SCML2: variants seen among roughly 807,000 people sequenced by gnomAD.
The protein encoded by SCML2 is sex comb on midleg-like protein 2.
A neutral mutation model predicts 48.4 loss-of-function variants in SCML2; 6 were observed. The observed-to-expected ratio is 0.12, with a 90% CI of 0.07 to 0.24. The LOEUF is 0.24. SCML2 is among the 10% of genes least tolerant of loss of function. SCML2 has a pLI of 1.00. For missense variants in SCML2, 377 were observed against 528.2 expected, an observed-to-expected ratio of 0.71 and a Z score of 2.81; for synonymous variants, 181 against 189.5, an observed-to-expected ratio of 0.95 and a Z score of 0.37.
intron 7 of SCML2, among the ~76,000 whole-genome samples, chrX:18,271,429 C>T (rs1358067689): frequency 9.1e-6 from 1 of 109,581 alleles, no homozygotes; most frequent in Admixed American, 9.8e-5. Context: ...ACTCCCAAGT[C>T]AAGATGCATG....
chrX:18,347,719 G>A (rs1393243796), intron 1 of SCML2, among the ~76,000 whole-genome samples: 4 of 45,099 alleles, frequency 8.9e-5, no homozygotes, highest in African/African-American at 2.8e-4. Context: ...GCAAGACTCC[G>A]TCTCAAAAAA....
At chrX:18,257,120 T>C (rs1926877165) in intron 10 of SCML2, 90 bp from the exon 11 acceptor site, 1 of 553,946 alleles carries the variant, frequency 1.8e-6, no homozygotes. Flanking sequence ...TTAGGAAAGG[T>C]ATTATAAGTC....
In SCML2 at chrX:18,330,628, T is replaced by C. The variant is rs1602141320; in HGVS notation, c.50A>G (p.Gln17Arg). 8.5e-7 allele frequency: 1 copy of C among 1,171,051 alleles called. No homozygotes were observed. Among genetic ancestry groups the C allele is most frequent in the Non-Finnish European group, 1.2e-6 (1 of 869,368 alleles). ...TGTACTTGACTGAGGAGTTTTCTCT[T>C]GATTCTCCTTCTTGACATCCATGGA... ...EDSMDVKKEN[Q>R]EKTPQSSTSS... is the part of the protein sequence containing the mutation. Residue 17 changes from glutamine to arginine, a missense_variant, in exon 3 of 15, where the codon CAA (glutamine) becomes CGA (arginine). Gln to Arg is a conservative substitution (Grantham distance 43). Around this residue, in one of 3 missense-constraint regions of SCML2, gnomAD observed 61 missense variants for 59.9 expected, o/e 1.02. Coordinates refer to ENST00000251900, the MANE Select transcript of SCML2 (RefSeq NM_006089.3).
intron 7 of SCML2, among the ~76,000 whole-genome samples, chrX:18,270,596 C>T (rs777403558): frequency 5.5e-5 from 6 of 109,978 alleles, no homozygotes; most frequent in Admixed American, 2.0e-4. Flanking sequence ...CTTTTTAAGC[C>T]GATTCAACTA....
rs774181976 is a variant in SCML2 at position 18,247,117 on chromosome X, C to T, written c.1571-289G>A. Among the ~76,000 whole-genome samples the T allele has an allele frequency of 3.6e-5, 4 of 110,954 alleles. No individual in the cohort carries two copies. The South Asian group carries it at 1.6e-3, about 43-fold the overall frequency. ...AAGCAATTCTCCTACCTCAGCCTCC[C>T]GAGTAGCTGGGAGTACAGGCGCCTG... On this transcript the variant is annotated intron_variant, in intron 12 of 14. Coordinates refer to ENST00000251900, the MANE Select transcript of SCML2 (RefSeq NM_006089.3).
At chrX:18,264,883 TA>T (rs1398319152) in intron 8 of SCML2, among the ~76,000 whole-genome samples, 2 of 111,655 alleles carry the variant, frequency 1.8e-5, no homozygotes, top group Non-Finnish European at 3.8e-5. Context: ...AATTTGCAGA[TA>T]ACCTCTCTGG....
At chrX:18,257,922 GA>G (rs1926909223) in intron 10 of SCML2, 121 bp downstream of exon 10, 1 of 435,208 alleles carries the variant, frequency 2.3e-6, no homozygotes, top group South Asian at 3.3e-5. Flanking sequence ...AAGGGCGGGG[GA>G]GGGGGAAGGG....
chrX:18,335,747 C>T (rs1012122204), intron 1 of SCML2, among the ~76,000 whole-genome samples: 31 of 111,197 alleles, frequency 2.8e-4, no homozygotes, highest in African/African-American at 9.8e-4. Flanking sequence ...TTGAAGAAAA[C>T]CTAAATAAAT....
Position 18,260,060 on chromosome X carries a change from A to G in SCML2, c.1069+111T>C, listed in dbSNP as rs1437937509. The G allele has an allele frequency of 1.4e-5, 7 of 496,542 alleles. No homozygotes were observed. The African/African-American group carries it at 1.7e-4, about 12-fold the overall frequency. The allele number at this position is 496,542 out of a possible 1,213,427, so 40.9% of individuals were successfully genotyped here. A position where few individuals can be genotyped will look rare whatever the true frequency, so the allele number is the denominator to read the frequency against. ...TGAAAAATGCAAAGATAAATGTTTA[A>G]TATTACCATCTTTTTCCCTTATTAT... On this transcript the variant is annotated intron_variant, in intron 9 of 14. Coordinates refer to ENST00000251900, the MANE Select transcript of SCML2 (RefSeq NM_006089.3).
At chrX:18,319,831 T>C (rs1296878379) in intron 6 of SCML2, among the ~76,000 whole-genome samples, 2 of 110,639 alleles carry the variant, frequency 1.8e-5, no homozygotes, top group African/African-American at 6.6e-5. Context: ...TCTAATCCAA[T>C]AGGACTGGTG....
chrX:18,281,761 A>C (rs1445130169), intron 7 of SCML2, among the ~76,000 whole-genome samples: 1 of 105,031 alleles, frequency 9.5e-6, no homozygotes, highest in Admixed American at 1.0e-4. Flanking sequence ...AACTAGAAAG[A>C]AAAAAAAAAA....
rs752169956 is a variant in SCML2 at position 18,320,916 on chromosome X, A to C, written c.398-496T>G. Among the ~76,000 whole-genome samples, 3 of 111,711 alleles carry C rather than the reference A, an allele frequency of 2.7e-5. No individual in the cohort carries two copies. The East Asian group carries it at 8.4e-4, about 31-fold the overall frequency. Reference sequence around the variant, plus strand: ...TACCTCAAAAGAAAAAAACCTATAGATATTGACTCGTTAATGATATATATG... The same window carrying C: ...TACCTCAAAAGAAAAAAACCTATAGCTATTGACTCGTTAATGATATATATG... On this transcript the variant is annotated intron_variant, in intron 5 of 14. Coordinates refer to ENST00000251900, the MANE Select transcript of SCML2 (RefSeq NM_006089.3).
rs1197864598 is a variant in SCML2, at chrX:18,277,003, T to TA, written c.731-11202dup. Among the ~76,000 whole-genome samples, 179 of 100,234 alleles carry TA rather than the reference T, an allele frequency of 1.8e-3. 2 individuals are homozygous for TA. The highest frequency in any genetic ancestry group is 0.017 in the East Asian group (54 of 3,263). 87.0% of individuals were successfully genotyped at this position (100,234 alleles called of 115,157 possible). A position where few individuals can be genotyped will look rare whatever the true frequency, so the allele number is the denominator to read the frequency against. On this transcript the variant is annotated intron_variant, in intron 7 of 14. Coordinates refer to ENST00000251900, the MANE Select transcript of SCML2 (RefSeq NM_006089.3). ...TATGTTATGTGAATTTCACCACATCTAAAAAAAAAAAACCAAAAACAAACA... is the reference window on the plus strand; with the variant it reads ...TATGTTATGTGAATTTCACCACATCTAAAAAAAAAAAAACCAAAAACAAACA...
chrX:18,275,180 T>C (rs1451817472), intron 7 of SCML2, among the ~76,000 whole-genome samples: 2 of 112,607 alleles, frequency 1.8e-5, no homozygotes, highest in African/African-American at 6.5e-5. Flanking sequence ...GCACATGTTC[T>C]CAGGATCTCC....
chrX:18,256,868 T>G lies in SCML2; in HGVS notation c.1436A>C (p.Glu479Ala), dbSNP rs755063841. ...CTCACCTGACTGATTTTTATCATGC[T>G]CTGCAGAGCTGTGAGTATGACCCCT... Reference protein sequence around the residue: ...SSRGHTHSSAEHDKNQSAKED... With the variant: ...SSRGHTHSSAAHDKNQSAKED... The change falls in exon 11 of 15, where the codon GAG becomes GCG. Residue 479 changes from glutamate (E) to alanine (A), a missense_variant. Coordinates refer to ENST00000251900, the MANE Select transcript of SCML2 (RefSeq NM_006089.3). 4.2e-6 allele frequency: 5 copies of G among 1,188,631 alleles called. No individual in the cohort carries two copies. The Admixed American group carries it at 1.2e-4, about 29-fold the overall frequency.
chrX:18,342,881 GT>G (rs776690702), intron 1 of SCML2, among the ~76,000 whole-genome samples: 2 of 111,638 alleles, frequency 1.8e-5, no homozygotes, highest in South Asian at 7.4e-4. Context: ...GAAAAGTCTT[GT>G]TTTAAACCAT....
intron 7 of SCML2, among the ~76,000 whole-genome samples, chrX:18,267,419 A>G (rs916865769): frequency 1.2e-4 from 13 of 111,070 alleles, no homozygotes; most frequent in Admixed American, 4.8e-4. Flanking sequence ...TTGATCTTTG[A>G]TCATGTCCAG....
At chrX:18,311,972 A>G (rs1180365562) in intron 6 of SCML2, among the ~76,000 whole-genome samples, 2 of 111,455 alleles carry the variant, frequency 1.8e-5, no homozygotes, top group East Asian at 5.7e-4. Flanking sequence ...TTCAATTTGT[A>G]GTAGAGACAG....
At chrX:18,321,993 T>G (rs756508529) in intron 5 of SCML2, among the ~76,000 whole-genome samples, 1 of 111,956 alleles carries the variant, frequency 8.9e-6, no homozygotes, top group East Asian at 2.8e-4. Flanking sequence ...TTCTATTTTC[T>G]GATTTGGATG....
Sources: gnomAD v4.1 joint callset for allele counts (sites outside exome capture counted in the v4.1 genomes callset) on GRCh38, gnomAD v4.1.1 for gene constraint, gnomAD v4.1.1 regional missense constraint, MANE v1.5 for transcripts, NCBI Gene and HGNC (gene_info 2026-07-23, HGNC 2026-07-21) for gene names.